The following SLC4A10 variants were observed in gnomAD, a reference collection of about 807,000 sequenced individuals.
The protein encoded by SLC4A10 is solute carrier family 4 member 10.
In SLC4A10, 42 loss-of-function variants were observed where a neutral mutation model predicts 137.7. The observed-to-expected ratio is 0.30, with a 90% CI of 0.24 to 0.39. The LOEUF is 0.39. Among genes scored for constraint, SLC4A10 ranks in the 10% least tolerant of loss-of-function variants. SLC4A10 has a pLI of 1.00. For synonymous variants in SLC4A10, 474 were observed against 464.1 expected (o/e 1.02, Z -0.27); for missense variants, 925 against 1,355.0 (o/e 0.68, Z 4.98).
At chr2:161,654,417 G>T (rs2037230625) in intron 1 of SLC4A10, among the ~76,000 whole-genome samples, 1 of 152,192 alleles carries the variant, frequency 6.6e-6, no homozygotes, top group Non-Finnish European at 1.5e-5. Flanking sequence ...TTTTGCTTTT[G>T]TTGCCTGTGC....
chr2:161,647,502 A>G (rs1283814186), intron 1 of SLC4A10, among the ~76,000 whole-genome samples: 1 of 152,066 alleles, frequency 6.6e-6, no homozygotes, highest in Non-Finnish European at 1.5e-5. Flanking sequence ...GAAATAATTT[A>G]TATATTAAAG....
chr2:161,738,962 T>A (rs980115546), intron 1 of SLC4A10, among the ~76,000 whole-genome samples: 1 of 152,122 alleles, frequency 6.6e-6, no homozygotes, highest in Non-Finnish European at 1.5e-5. Context: ...TTTTGCCAGA[T>A]GGGGTGAAGA....
intron 1 of SLC4A10, among the ~76,000 whole-genome samples, chr2:161,683,427 G>A (rs1415724155): frequency 6.6e-6 from 1 of 152,138 alleles, no homozygotes; most frequent in African/African-American, 2.4e-5. Flanking sequence ...CAGTGAGAGA[G>A]CCAGCCAAAG....
intron 3 of SLC4A10, among the ~76,000 whole-genome samples, chr2:161,816,489 A>T (rs60064564): frequency 0.066 from 9,968 of 151,420 alleles, 424 homozygotes; most frequent in East Asian, 0.15. Context: ...TCTTTTTTTT[A>T]TTATTATACT....
At chr2:161,842,300 A>G (rs1454434416) in intron 4 of SLC4A10, among the ~76,000 whole-genome samples, 1 of 152,180 alleles carries the variant, frequency 6.6e-6, no homozygotes, top group Non-Finnish European at 1.5e-5. Context: ...ACTTCTATCA[A>G]CAGTGTATGA....
At chr2:161,908,819 G>A (rs973349164) in intron 15 of SLC4A10, among the ~76,000 whole-genome samples, 3 of 151,982 alleles carry the variant, frequency 2.0e-5, no homozygotes, top group South Asian at 2.1e-4. Flanking sequence ...GAAAATGGGA[G>A]AATAGAGACT....
At chr2:161,830,546 G>T (rs1462957284) in intron 3 of SLC4A10, among the ~76,000 whole-genome samples, 2 of 146,422 alleles carry the variant, frequency 1.4e-5, no homozygotes, top group African/African-American at 2.5e-5. Context: ...TTTATTTTCT[G>T]TTTTTAAAAA....
intron 1 of SLC4A10, among the ~76,000 whole-genome samples, chr2:161,748,912 C>T (rs955113032): frequency 1.3e-5 from 2 of 152,066 alleles, no homozygotes; most frequent in Non-Finnish European, 2.9e-5. Context: ...AATCCATGAA[C>T]ATGCGATGTC....
At chr2:161,958,417 C>T in intron 20 of SLC4A10, 70 bp from the exon 21 acceptor site, 12 of 1,324,898 alleles carry the variant, frequency 9.1e-6, no homozygotes, top group Admixed American at 5.9e-5. Context: ...CTGTTTTTTT[C>T]TTTGATAAAT....
intron 1 of SLC4A10, among the ~76,000 whole-genome samples, chr2:161,630,693 A>C (rs1421614445): frequency 3.3e-5 from 5 of 151,756 alleles, no homozygotes; most frequent in Non-Finnish European, 7.4e-5. Context: ...GTTCCAAATT[A>C]AAATGGAAAT....
At chr2:161,792,092 T>A (rs922936021) in intron 2 of SLC4A10, among the ~76,000 whole-genome samples, 3 of 152,148 alleles carry the variant, frequency 2.0e-5, no homozygotes, top group Non-Finnish European at 2.9e-5. Context: ...TTTCTACTTA[T>A]CAAAGGCATA....
chr2:161,650,801 G>C (rs1251425837), intron 1 of SLC4A10, among the ~76,000 whole-genome samples: 1 of 151,860 alleles, frequency 6.6e-6, no homozygotes, highest in Non-Finnish European at 1.5e-5. Context: ...GCATGGGAGG[G>C]AGGCTGAGTG....
At chr2:161,723,915 T>G (rs1297794305) in intron 1 of SLC4A10, among the ~76,000 whole-genome samples, 1 of 152,236 alleles carries the variant, frequency 6.6e-6, no homozygotes, top group African/African-American at 2.4e-5. Flanking sequence ...CATTGCATCC[T>G]GGTAGACATC....
chr2:161,712,961 G>C (rs2044458243), intron 1 of SLC4A10, among the ~76,000 whole-genome samples: 1 of 151,862 alleles, frequency 6.6e-6, no homozygotes, highest in African/African-American at 2.4e-5. Context: ...GCCTTCAGGA[G>C]GTCACAGGTA....
At chr2:161,872,438 AC>A (rs2125925333) in intron 7 of SLC4A10, 54 bp downstream of exon 7, 1 of 1,384,592 alleles carries the variant, frequency 7.2e-7, no homozygotes, top group South Asian at 1.2e-5. Context: ...ACTAGAAATT[AC>A]TACCCATTTT....
intron 9 of SLC4A10, among the ~76,000 whole-genome samples, chr2:161,879,803 G>A (rs1263445520): frequency 1.3e-5 from 2 of 152,028 alleles, no homozygotes; most frequent in Non-Finnish European, 2.9e-5. Context: ...CCGACACACA[G>A]GGTCTGTAGA....
At chr2:161,875,132 G>A (rs1180463631) in intron 8 of SLC4A10, among the ~76,000 whole-genome samples, 1 of 152,140 alleles carries the variant, frequency 6.6e-6, no homozygotes, top group Non-Finnish European at 1.5e-5. Context: ...GACTAAGTAA[G>A]ATTTTTTACT....
At chr2:161,926,991 AT>A (rs1327169282) in intron 15 of SLC4A10, among the ~76,000 whole-genome samples, 11 of 151,630 alleles carry the variant, frequency 7.3e-5, no homozygotes, top group African/African-American at 2.7e-4. Flanking sequence ...TGCCCTTAAC[AT>A]TTTTTCCTTC....
chr2:161,723,768 C>A (rs1574579605), intron 1 of SLC4A10, among the ~76,000 whole-genome samples: 1 of 151,964 alleles, frequency 6.6e-6, no homozygotes. Context: ...GAGATAGAAC[C>A]CAGGCTTGAA....
Sources: gnomAD v4.1 joint callset for allele counts (sites outside exome capture counted in the v4.1 genomes callset) on GRCh38, gnomAD v4.1.1 for gene constraint, MANE v1.5 for transcripts, NCBI Gene and HGNC (gene_info 2026-07-23, HGNC 2026-07-21) for gene names.